Variants in UBE2L3 observed in about 807,000 individuals in gnomAD.
UBE2L3 encodes the protein ubiquitin conjugating enzyme E2 L3, also known as ubiquitin-conjugating enzyme E2 L3.
A neutral mutation model predicts 17.8 loss-of-function variants in UBE2L3; 1 was observed. That is an observed-to-expected ratio of 0.06 (90% CI 0.02 to 0.27). The LOEUF (loss-of-function observed/expected upper bound fraction) is 0.27. Among genes scored for constraint, UBE2L3 ranks in the 10% least tolerant of loss-of-function variants. The pLI, the probability that UBE2L3 is intolerant of heterozygous loss-of-function variation, is 1.00. For missense variants in UBE2L3, 40 were observed against 192.6 expected (o/e 0.21, Z 4.69); for synonymous variants, 44 against 68.5 (o/e 0.64, Z 1.76).
At chr22:21,595,050 C>T (rs192280428) in intron 2 of UBE2L3, among the ~76,000 whole-genome samples, 7 of 152,304 alleles carry the variant, frequency 4.6e-5, no homozygotes, top group African/African-American at 7.2e-5. Context: ...TCTGGTTTCA[C>T]GCTGGCAGGG....
chr22:21,591,894 T>C (rs1928286050), intron 1 of UBE2L3, among the ~76,000 whole-genome samples: 1 of 152,090 alleles, frequency 6.6e-6, no homozygotes, highest in African/African-American at 2.4e-5. Context: ...AGAGTGGCAC[T>C]TCATGTGTCA....
In UBE2L3 at chr22:21,578,609, A is replaced by G. The variant is rs151300538; in HGVS notation, c.27+10838A>G. Among the ~76,000 whole-genome samples, 6 of 152,216 alleles carry G rather than the reference A, an allele frequency of 3.9e-5. No homozygotes were observed. In the East Asian group the frequency reaches 1.2e-3, roughly 29 times the overall value. On this transcript the variant is annotated intron_variant, in intron 1 of 3. Transcript: ENST00000342192. ...TCAGGAATGCCAGGCACACCCATGT[A>G]CAGATGGACACGGAAACACCTTCCA...
At chr22:21,556,166 G>T (rs1419636555) in intron 1 of UBE2L3, among the ~76,000 whole-genome samples, 1 of 152,228 alleles carries the variant, frequency 6.6e-6, no homozygotes, top group Non-Finnish European at 1.5e-5. Flanking sequence ...GGGACGTCAA[G>T]ACTGAAATGA....
chr22:21,586,961 C>T (rs900470234), intron 1 of UBE2L3, among the ~76,000 whole-genome samples: 1 of 150,254 alleles, frequency 6.7e-6, no homozygotes, highest in African/African-American at 2.5e-5. Context: ...TCTTGGCTCA[C>T]GGCAACCTCT....
intron 1 of UBE2L3, among the ~76,000 whole-genome samples, chr22:21,557,806 C>A (rs1926291096): frequency 6.6e-6 from 1 of 152,164 alleles, no homozygotes; most frequent in Non-Finnish European, 1.5e-5. Flanking sequence ...CAGGTGTGAG[C>A]CATAGCACCC....
chr22:21,587,881 G>A (rs1928032349), intron 1 of UBE2L3, among the ~76,000 whole-genome samples: 1 of 152,150 alleles, frequency 6.6e-6, no homozygotes, highest in Non-Finnish European at 1.5e-5. Context: ...GAGCTGGGTG[G>A]CACCCCTGGG....
chr22:21,581,098 A>G (rs1371688338), intron 1 of UBE2L3, among the ~76,000 whole-genome samples: 1 of 140,932 alleles, frequency 7.1e-6, no homozygotes, highest in Non-Finnish European at 1.5e-5. Context: ...CCTGTTGCCC[A>G]GGCTGGAGTG....
chr22:21,579,664 A>G (rs1927519888), intron 1 of UBE2L3, among the ~76,000 whole-genome samples: 1 of 152,088 alleles, frequency 6.6e-6, no homozygotes, highest in Non-Finnish European at 1.5e-5. Context: ...GCAGCTTCTC[A>G]GAAGGCTGAG....
chr22:21,571,060 A>G (rs1439533293), intron 1 of UBE2L3, among the ~76,000 whole-genome samples: 1 of 152,214 alleles, frequency 6.6e-6, no homozygotes, highest in Non-Finnish European at 1.5e-5. Context: ...TTTTATTTCA[A>G]AAGCACTTGC....
intron 1 of UBE2L3, chr22:21,555,583 C>A: frequency 6.4e-6 from 1 of 155,482 alleles, no homozygotes; most frequent in Non-Finnish European, 1.4e-5. Flanking sequence ...CGAGATCATG[C>A]CATTGCACTC....
upstream of UBE2L3, among the ~76,000 whole-genome samples, chr22:21,562,950 C>CA (rs131655): frequency 0.31 from 46,584 of 150,332 alleles, 8,307 homozygotes; most frequent in East Asian, 0.52. Context: ...CACTTCTTTT[C>CA]AAAAAATTTA....
At chr22:21,566,067 G>A (rs574981729), upstream of UBE2L3, among the ~76,000 whole-genome samples, 2 of 150,238 alleles carry the variant, frequency 1.3e-5, no homozygotes, top group East Asian at 4.1e-4. Flanking sequence ...CTGCCTCCCA[G>A]GTTCAAGCGA....
intron 2 of UBE2L3, among the ~76,000 whole-genome samples, chr22:21,597,104 G>A (rs965310018): frequency 4.0e-5 from 6 of 151,662 alleles, no homozygotes; most frequent in South Asian, 4.2e-4. Context: ...TCAGCCTCCC[G>A]AGTAGCTGGG....
intron 1 of UBE2L3, among the ~76,000 whole-genome samples, chr22:21,578,714 G>C (rs1402783633): frequency 6.6e-6 from 1 of 152,158 alleles, no homozygotes; most frequent in African/African-American, 2.4e-5. Context: ...CATGCTTACT[G>C]TGGAGGTTGT....
intron 1 of UBE2L3, among the ~76,000 whole-genome samples, chr22:21,578,708 C>G (rs1377677155): frequency 6.6e-6 from 1 of 152,148 alleles, no homozygotes; most frequent in African/African-American, 2.4e-5. Context: ...TTCCCCCATG[C>G]TTACTGTGGA....
In UBE2L3 at chr22:21,592,243, A is replaced by T. The variant is rs191996095; in HGVS notation, c.28-618A>T. On this transcript the variant is annotated intron_variant, in intron 1 of 3. Transcript: ENST00000342192. ...GTTTTGCAGCTGAGGAAACAGGCTC[A>T]GTGAAGGTTTCCCGTCCCCACCCCC... Among the ~76,000 whole-genome samples, 222 of 152,224 alleles carry T rather than the reference A, an allele frequency of 1.5e-3. 1 individual carries two copies. Among genetic ancestry groups the T allele is most frequent in the African/African-American group, 5.1e-3 (212 of 41,542 alleles).
chr22:21,606,332 G>T (rs997390137), intron 2 of UBE2L3, among the ~76,000 whole-genome samples: 6 of 150,210 alleles, frequency 4.0e-5, no homozygotes, highest in African/African-American at 1.2e-4. Context: ...TGTGTGTGTG[G>T]TGTGTGTGTG....
intron 3 of UBE2L3, among the ~76,000 whole-genome samples, chr22:21,615,101 G>A (rs555923652): frequency 6.6e-6 from 1 of 152,262 alleles, no homozygotes; most frequent in East Asian, 1.9e-4. Flanking sequence ...GTTGCAGTGA[G>A]CCAAGATTGT....
intron 2 of UBE2L3, among the ~76,000 whole-genome samples, chr22:21,603,316 T>G (rs1344202069): frequency 6.7e-6 from 1 of 150,242 alleles, no homozygotes; most frequent in Non-Finnish European, 1.5e-5. Flanking sequence ...TCACCTGAGG[T>G]CAGGAGTTCG....
Sources: gnomAD v4.1 joint callset for allele counts (sites outside exome capture counted in the v4.1 genomes callset) on GRCh38, gnomAD v4.1.1 for gene constraint, MANE v1.5 for transcripts, NCBI Gene and HGNC (gene_info 2026-07-23, HGNC 2026-07-21) for gene names.